The following PGM2L1 variants were observed in gnomAD, a reference collection of about 807,000 sequenced individuals.
PGM2L1 encodes glucose 1,6-bisphosphate synthase.
In PGM2L1, 35 loss-of-function variants were observed where a neutral mutation model predicts 73.4. The ratio of observed to expected loss-of-function variants is 0.48; its 90% CI spans 0.36 to 0.63. The LOEUF (loss-of-function observed/expected upper bound fraction) is 0.63, where lower values mean the gene tolerates loss of function less well. Among genes scored for constraint, PGM2L1 ranks in the 30% least tolerant of loss-of-function variants. PGM2L1 has a pLI of 0.00. For synonymous variants in PGM2L1, 225 were observed against 253.8 expected (o/e 0.89, Z 1.08); for missense variants, 570 against 742.0 (o/e 0.77, Z 2.69).
chr11:74,357,441 G>A (rs1184341573), intron 5 of PGM2L1, among the ~76,000 whole-genome samples: 1 of 152,204 alleles, frequency 6.6e-6, no homozygotes, highest in Non-Finnish European at 1.5e-5. Context: ...CACATCATAT[G>A]TCATCAGAAA....
chr11:74,385,820 T>G (rs547928773), intron 1 of PGM2L1, among the ~76,000 whole-genome samples: 2 of 152,242 alleles, frequency 1.3e-5, no homozygotes, highest in Non-Finnish European at 2.9e-5. Context: ...TTCCATATTC[T>G]TCTGAAATTA....
intron 5 of PGM2L1, among the ~76,000 whole-genome samples, chr11:74,367,059 A>T (rs530070696): frequency 6.6e-6 from 1 of 152,178 alleles, no homozygotes; most frequent in Non-Finnish European, 1.5e-5. Flanking sequence ...TAGACATAGC[A>T]TCTGTAGAAC....
intron 5 of PGM2L1, among the ~76,000 whole-genome samples, chr11:74,357,522 A>G (rs780860779): frequency 1.3e-5 from 2 of 152,250 alleles, no homozygotes; most frequent in African/African-American, 4.8e-5. Context: ...GAACACTGAC[A>G]ACAGCAAATG....
chr11:74,339,074 A>C (rs917690153), intron 12 of PGM2L1, among the ~76,000 whole-genome samples: 1 of 152,230 alleles, frequency 6.6e-6, no homozygotes, highest in Non-Finnish European at 1.5e-5. Context: ...ATAATCCTGC[A>C]AAGTAAGTGT....
In PGM2L1 at chr11:74,334,907, CT is replaced by C. The variant is rs34926765; in HGVS notation, c.*1744del. ...AGCATTTCTTTTTCTCTCTCTCTCTCTTTTTTTTTTTTTTTTTGAGATAAGG... is the reference window on the plus strand; with the variant it reads ...AGCATTTCTTTTTCTCTCTCTCTCTCTTTTTTTTTTTTTTTTGAGATAAGG... On this transcript the variant is annotated 3_prime_UTR_variant, in exon 14 of 14. Transcript: ENST00000298198. The C allele has an allele frequency of 0.12, 16,285 of 136,094 alleles. 1,587 individuals carry two copies. Among genetic ancestry groups the C allele is most frequent in the African/African-American group, 0.3 (10,953 of 36,294 alleles). 8.4% of individuals were successfully genotyped at this position (136,094 alleles called of 1,614,324 possible).
chr11:74,398,307 C>G lies in PGM2L1; in HGVS notation c.-146G>C. Reference sequence around the variant, plus strand: ...CAACCGCAGGGTGTTCGTAACAGCTCCTGCCGCGGCGTCAGGGAACCGGGA... The same window carrying G: ...CAACCGCAGGGTGTTCGTAACAGCTGCTGCCGCGGCGTCAGGGAACCGGGA... On this transcript the variant is annotated 5_prime_UTR_variant, in exon 1 of 14. Coordinates refer to ENST00000298198, the MANE Select transcript of PGM2L1 (RefSeq NM_173582.6). 1 of 1,230,462 alleles carries G rather than the reference C, an allele frequency of 8.1e-7. No individual in the cohort carries two copies. Among genetic ancestry groups the G allele is most frequent in the African/African-American group, 1.5e-5 (1 of 65,350 alleles). The allele number at this position is 1,230,462 out of a possible 1,614,324, so 76.2% of individuals were successfully genotyped here.
Position 74,345,623 on chromosome 11 carries a change from T to C in PGM2L1, c.1064A>G (p.Asn355Ser), listed in dbSNP as rs2134888370. ...ENGCWKVFTG[N>S]ELAALFGWWM... is the part of the protein sequence containing the mutation. Reference sequence around the variant, plus strand: ...CCATCCAAACAAAGCTGCCAACTCATTCCCTGTGAAAACTTTCCAACAACC... The same window carrying C: ...CCATCCAAACAAAGCTGCCAACTCACTCCCTGTGAAAACTTTCCAACAACC... The change falls in exon 9 of 14, where the codon AAT becomes AGT. Residue 355 changes from asparagine (N) to serine (S), a missense_variant. By Grantham distance (46) the Asn-to-Ser change is conservative. Transcript: ENST00000298198. 7 of 1,613,710 alleles carry C rather than the reference T, an allele frequency of 4.3e-6. No individual in the cohort carries two copies. The East Asian group carries it at 1.3e-4, about 31-fold the overall frequency.
chr11:74,386,372 A>G (rs1863017668), intron 1 of PGM2L1, among the ~76,000 whole-genome samples: 1 of 152,118 alleles, frequency 6.6e-6, no homozygotes, highest in South Asian at 2.1e-4. Flanking sequence ...ACTGCATGGT[A>G]GAGTCAAGAA....
intron 5 of PGM2L1, among the ~76,000 whole-genome samples, chr11:74,363,842 A>C (rs1294164123): frequency 6.6e-6 from 1 of 152,224 alleles, no homozygotes; most frequent in African/African-American, 2.4e-5. Context: ...AAAAGAGGGA[A>C]TCCTCCCTAA....
intron 12 of PGM2L1, 95 bp downstream of exon 12, chr11:74,342,366 T>G: frequency 1.0e-6 from 1 of 967,176 alleles, no homozygotes; most frequent in Non-Finnish European, 1.4e-6. Flanking sequence ...GAAACTGGAT[T>G]GAATCTCATG....
At chr11:74,379,037 G>A (rs1017708163) in intron 1 of PGM2L1, among the ~76,000 whole-genome samples, 31 of 152,158 alleles carry the variant, frequency 2.0e-4, no homozygotes, top group African/African-American at 6.5e-4. Context: ...TGAGAAGTGC[G>A]TTAGTTTGTC....
In PGM2L1 at chr11:74,398,023, G is replaced by A. The variant is rs759083371; in HGVS notation, c.111+28C>T. ...AGCAGACTGTGTGGGGGAGGCGACG[G>A]CGTTTGCCGGGCTGACCAGGTACCC... On this transcript the variant is annotated intron_variant, in intron 1 of 13. Coordinates refer to ENST00000298198, the MANE Select transcript of PGM2L1 (RefSeq NM_173582.6). The A allele has an allele frequency of 3.9e-5, 61 of 1,578,922 alleles. No individual in the cohort carries two copies. The East Asian group carries it at 1.3e-3, about 33-fold the overall frequency.
chr11:74,368,281 AC>A (rs1241591798), intron 5 of PGM2L1, among the ~76,000 whole-genome samples: 1 of 152,242 alleles, frequency 6.6e-6, no homozygotes, highest in Admixed American at 6.5e-5. Context: ...GAATAAAAGA[AC>A]TAAAGAAGAC....
intron 9 of PGM2L1, among the ~76,000 whole-genome samples, chr11:74,343,706 C>T (rs915302688): frequency 2.6e-5 from 4 of 151,204 alleles, no homozygotes; most frequent in African/African-American, 9.8e-5. Flanking sequence ...CATGAATAAG[C>T]ACATACAGTA....
intron 5 of PGM2L1, among the ~76,000 whole-genome samples, chr11:74,361,848 A>C (rs1862569463): frequency 1.4e-5 from 2 of 144,988 alleles, no homozygotes; most frequent in South Asian, 4.1e-4. Flanking sequence ...AGTTTAGAGA[A>C]AAAAGGGTAA....
At chr11:74,371,646 A>C (rs941924181) in intron 3 of PGM2L1, 65 bp downstream of exon 3, 2 of 1,413,222 alleles carry the variant, frequency 1.4e-6, no homozygotes, top group African/African-American at 1.4e-5. Flanking sequence ...ACTACTAGAC[A>C]AAAAAATGTT....
intron 1 of PGM2L1, among the ~76,000 whole-genome samples, chr11:74,394,683 T>C (rs1020226044): frequency 6.6e-6 from 1 of 152,232 alleles, no homozygotes; most frequent in Non-Finnish European, 1.5e-5. Context: ...AATTTCTCTC[T>C]ATGCTTGTCA....
chr11:74,397,949 C>G, intron 1 of PGM2L1, 102 bp downstream of exon 1: 2 of 1,393,952 alleles, frequency 1.4e-6, no homozygotes, highest in South Asian at 3.3e-5. Context: ...CTCGGTGTCC[C>G]GAGCCATCTC....
chr11:74,359,851 G>A (rs1565439680), intron 5 of PGM2L1, among the ~76,000 whole-genome samples: 1 of 152,118 alleles, frequency 6.6e-6, no homozygotes, highest in East Asian at 1.9e-4. Context: ...ACTTTCTACT[G>A]TTTCACTTTT....
Sources: allele counts gnomAD v4.1 joint callset (sites outside exome capture counted in the v4.1 genomes callset), GRCh38; gene constraint gnomAD v4.1.1; transcripts MANE v1.5; gene names NCBI Gene and HGNC (gene_info 2026-07-23, HGNC 2026-07-21).